Variants in HDAC5 observed in about 807,000 individuals in gnomAD.
HDAC5 encodes the protein histone deacetylase 5, also known as antigen NY-CO-9.
Under a neutral mutation model 133.3 loss-of-function variants are expected in HDAC5, and 25 were observed. The ratio of observed to expected loss-of-function variants is 0.19; its 90% CI spans 0.14 to 0.26. HDAC5 has a LOEUF of 0.26. HDAC5 is among the 10% of genes least tolerant of loss of function. The pLI, the probability that HDAC5 is intolerant of heterozygous loss-of-function variation, is 1.00. For missense variants in HDAC5, 1,041 were observed against 1,460.5 expected (o/e 0.71, Z 4.68); for synonymous variants, 589 against 610.8 (o/e 0.96, Z 0.53).
intron 9 of HDAC5, 34 bp from the exon 10 acceptor site, chr17:44,091,865 T>A (rs1159361489): frequency 6.6e-7 from 1 of 1,514,248 alleles, no homozygotes; most frequent in Non-Finnish European, 8.8e-7. Context: ...GGCATGAGAG[T>A]GCACAAAGGG....
chr17:44,085,608 TCTC>T (rs1240768499), intron 14 of HDAC5, among the ~76,000 whole-genome samples: 10 of 151,478 alleles, frequency 6.6e-5, no homozygotes, highest in African/African-American at 2.4e-4. Context: ...CTCAAGCAAT[TCTC>T]CTGCCTCAGC....
Position 44,077,353 on chromosome 17 carries a change from G to A in HDAC5, c.*1023C>T, listed in dbSNP as rs1166637644. The A allele has an allele frequency of 6.6e-6, 1 of 152,550 alleles. No homozygotes were observed. Among genetic ancestry groups the A allele is most frequent in the Non-Finnish European group, 1.5e-5 (1 of 68,144 alleles). The allele number at this position is 152,550 out of a possible 1,614,324, so 9.4% of individuals were successfully genotyped here. A position where few individuals can be genotyped will look rare whatever the true frequency, so the allele number is the denominator to read the frequency against. On this transcript the variant is annotated 3_prime_UTR_variant, in exon 27 of 27. Coordinates refer to ENST00000682912, the MANE Select transcript of HDAC5 (RefSeq NM_005474.5). ...GAAGGTATGGAAGCTCCAGCTGAGA[G>A]CCGACTCCTGGATCCCTGGGTTCTG...
intron 14 of HDAC5, 44 bp downstream of exon 14, chr17:44,086,528 C>G: frequency 7.9e-7 from 1 of 1,273,884 alleles, no homozygotes; most frequent in Non-Finnish European, 1.0e-6. Context: ...CACACAGGCC[C>G]TCTGGTGCCT....
intron 11 of HDAC5, among the ~76,000 whole-genome samples, chr17:44,090,855 A>T (rs1377407665): frequency 2.0e-5 from 3 of 151,072 alleles, no homozygotes; most frequent in Admixed American, 2.0e-4. Flanking sequence ...ACGCCCGGCT[A>T]ATTTTTTGTA....
At chr17:44,092,062 G>A in intron 9 of HDAC5, 110 bp downstream of exon 9, 1 of 1,020,362 alleles carries the variant, frequency 9.8e-7, no homozygotes, top group Admixed American at 2.6e-5. Flanking sequence ...TGTGGGCAGA[G>A]AGGTCTCTGC....
intron 9 of HDAC5, 99 bp downstream of exon 9, chr17:44,092,073 T>C: frequency 8.9e-7 from 1 of 1,118,666 alleles, no homozygotes; most frequent in East Asian, 2.5e-5. Flanking sequence ...AGGTCTCTGC[T>C]GGGCACTCAG....
chr17:44,095,091 C>G (rs1244211539), intron 3 of HDAC5, among the ~76,000 whole-genome samples: 2 of 152,126 alleles, frequency 1.3e-5, no homozygotes, highest in African/African-American at 4.8e-5. Context: ...CACTGCCCAG[C>G]CTTCAACACA....
Position 44,082,758 on chromosome 17 carries a change from C to T in HDAC5, c.2519+7G>A, listed in dbSNP as rs1300501157. The stretch of plus-strand genomic sequence containing the variant: ...AGGGGCGAGGGCAGAGAATCTAGGG[C>T]ACTCACATGGCTGTGGATTCCTCGG... On this transcript the variant is annotated splice_region_variant and intron_variant, in intron 19 of 26. Transcript: ENST00000682912. The T allele has an allele frequency of 6.3e-7, 1 of 1,586,384 alleles. No individual in the cohort carries two copies. The highest frequency in any genetic ancestry group is 1.1e-5 in the South Asian group (1 of 87,872).
chr17:44,100,563 T>A (rs2051532653), intron 3 of HDAC5, among the ~76,000 whole-genome samples: 2 of 120,094 alleles, frequency 1.7e-5, no homozygotes, highest in East Asian at 2.6e-4. Context: ...TGAAACCCCG[T>A]CTCTACTAAA....
chr17:44,099,555 A>C (rs1020005075), intron 3 of HDAC5, among the ~76,000 whole-genome samples: 16 of 151,962 alleles, frequency 1.1e-4, no homozygotes, highest in Admixed American at 1.0e-3. Context: ...GCTCACTGCA[A>C]GCTCCGCCTT....
At chr17:44,111,735 C>A in intron 2 of HDAC5, 1 of 498,614 alleles carries the variant, frequency 2.0e-6, no homozygotes, top group Non-Finnish European at 4.0e-6. Flanking sequence ...CAGAGAGACC[C>A]CTAAACACCT....
intron 14 of HDAC5, among the ~76,000 whole-genome samples, chr17:44,085,548 G>A (rs2050606733): frequency 6.6e-6 from 1 of 151,834 alleles, no homozygotes; most frequent in Non-Finnish European, 1.5e-5. Context: ...CGCTCTGTCG[G>A]CCAGGTCCAG....
chr17:44,082,951 T>C (rs2143077503), intron 18 of HDAC5, 131 bp from the exon 19 acceptor site: 2 of 750,152 alleles, frequency 2.7e-6, no homozygotes, highest in Non-Finnish European at 4.5e-6. Context: ...ATATGTTTAA[T>C]GCACAATTTT....
chr17:44,096,197 G>A lies in HDAC5; in HGVS notation c.95-2363C>T, dbSNP rs1007869976. 1.8e-4 allele frequency among the ~76,000 whole-genome samples: 27 copies of A among 152,280 alleles called. 1 individual carries two copies. The South Asian group carries it at 1.9e-3, about 11-fold the overall frequency. ...CCACTGCCTGGGAAGGCGGAAGTGA[G>A]AGAGGCAGGCCAACCCATTCCTGTT... On this transcript the variant is annotated intron_variant, in intron 3 of 26. Transcript: ENST00000682912.
chr17:44,103,621 C>T (rs932571143), intron 3 of HDAC5, among the ~76,000 whole-genome samples: 7 of 152,070 alleles, frequency 4.6e-5, no homozygotes, highest in African/African-American at 1.7e-4. Context: ...CGAGGCAGGG[C>T]TATTATTAAT....
chr17:44,092,347 A>AC (rs1432675614), intron 8 of HDAC5, 34 bp downstream of exon 8: 5 of 1,611,338 alleles, frequency 3.1e-6, no homozygotes, highest in Admixed American at 1.7e-5. Flanking sequence ...TGATTCCCAG[A>AC]CCCTCAGAAC....
Position 44,082,782 on chromosome 17 carries a change from G to T in HDAC5, c.2502C>A (p.Ala834=). The T allele has an allele frequency of 1.9e-6, 3 of 1,566,784 alleles. No individual in the cohort carries two copies. Among genetic ancestry groups the T allele is most frequent in the Non-Finnish European group, 1.7e-6 (2 of 1,154,802 alleles). ...FAIIRPPGHH[A]EESTAMGFCF... is the part of the protein sequence containing the mutation. ...GCACTCACATGGCTGTGGATTCCTC[G>T]GCGTGGTGTCCTGGGGGCCGGATGA... The change falls in exon 19 of 27, where the codon GCC becomes GCA. Residue 834 remains alanine (A), a synonymous_variant. Transcript: ENST00000682912.
Position 44,093,391 on chromosome 17 carries a change from T to TG in HDAC5, c.448dup (p.Gln150ProfsTer33), listed in dbSNP as rs1568000857. 6.3e-7 allele frequency: 1 copy of TG among 1,589,878 alleles called. No homozygotes were observed. Among genetic ancestry groups the TG allele is most frequent in the Admixed American group, 1.8e-5 (1 of 56,404 alleles). On this transcript the variant is annotated frameshift_variant, in exon 5 of 27. Coordinates refer to ENST00000682912, the MANE Select transcript of HDAC5 (RefSeq NM_005474.5). LOFTEE classifies it high-confidence loss of function. ...CTGCTTCTCCAGCTCTTCCTGCCGC[T>TG]GCTGCTCCCGCTGCCGCTGCTGCTC...
At chr17:44,099,793 G>C (rs1275827667) in intron 3 of HDAC5, among the ~76,000 whole-genome samples, 1 of 152,188 alleles carries the variant, frequency 6.6e-6, no homozygotes, top group African/African-American at 2.4e-5. Context: ...TGTGTTTCTA[G>C]CCATGCGAGG....
Sources: gnomAD v4.1 joint callset for allele counts (sites outside exome capture counted in the v4.1 genomes callset) on GRCh38, gnomAD v4.1.1 for gene constraint, MANE v1.5 for transcripts, NCBI Gene and HGNC (gene_info 2026-07-23, HGNC 2026-07-21) for gene names.